PPARGC1A: variants seen among roughly 807,000 people sequenced by gnomAD.
PPARGC1A encodes the protein peroxisome proliferator-activated receptor gamma coactivator 1-alpha.
PPARGC1A carries 25 observed loss-of-function variants against 88.7 expected under a neutral mutation model. The ratio of observed to expected loss-of-function variants is 0.28; its 90% CI spans 0.21 to 0.39. The LOEUF (loss-of-function observed/expected upper bound fraction) is 0.39, where lower values mean the gene tolerates loss of function less well. PPARGC1A is among the 10% of genes least tolerant of loss of function. The probability of loss-of-function intolerance (pLI) is 1.00; values close to 1 mark genes in which losing one functional copy is unlikely to be tolerated. For synonymous variants in PPARGC1A, 363 were observed against 355.6 expected (o/e 1.02, Z -0.24); for missense variants, 880 against 968.7 (o/e 0.91, Z 1.22).
the PPARGC1A span, among the ~76,000 whole-genome samples, chr4:24,471,346 GCACA>G: frequency 4.6e-5 from 7 of 150,890 alleles, no homozygotes; most frequent in East Asian, 2.0e-4. This position sits in a 1 kb window ranked among gnomAD's most constrained non-coding sequence, Gnocchi z 5.4. Flanking sequence ...ACACCCGCGT[GCACA>G]CACACACACA....
the PPARGC1A span, among the ~76,000 whole-genome samples, chr4:24,284,754 C>T: frequency 6.6e-6 from 1 of 152,180 alleles, no homozygotes; most frequent in Admixed American, 6.5e-5. Flanking sequence ...GAAGCCCGGG[C>T]ACGGTGGCTC....
Position 23,813,684 on chromosome 4 carries a change from G to A in PPARGC1A, c.1793+6C>T. 4 of 1,548,670 alleles carry A rather than the reference G, an allele frequency of 2.6e-6. No homozygotes were observed. The highest frequency in any genetic ancestry group is 3.5e-6 in the Non-Finnish European group (4 of 1,141,492). ...TTTGTGTTATTAGGGTTTTGCCAAGGTTTACCTTGAAGAGGATCTACTGCC... is the reference window on the plus strand; with the variant it reads ...TTTGTGTTATTAGGGTTTTGCCAAGATTTACCTTGAAGAGGATCTACTGCC... On this transcript the variant is annotated splice_donor_region_variant and intron_variant, in intron 8 of 12. Coordinates refer to ENST00000264867, the MANE Select transcript of PPARGC1A (RefSeq NM_013261.5).
chr4:23,851,453 G>A (rs1223898639), intron 2 of PPARGC1A, among the ~76,000 whole-genome samples: 1 of 152,122 alleles, frequency 6.6e-6, no homozygotes, highest in Admixed American at 6.6e-5. Context: ...AAATGCAGTC[G>A]ATTTCATAGA....
chr4:23,874,975 G>A (rs149437633), intron 2 of PPARGC1A, among the ~76,000 whole-genome samples: 17 of 152,316 alleles, frequency 1.1e-4, no homozygotes, highest in East Asian at 7.7e-4. Context: ...TCAAAAATTT[G>A]CATAAGTAGT....
intron 2 of PPARGC1A, among the ~76,000 whole-genome samples, chr4:23,862,754 T>C (rs978070088): frequency 6.6e-6 from 1 of 152,196 alleles, no homozygotes; most frequent in African/African-American, 2.4e-5. Flanking sequence ...GCCTGGCGAA[T>C]TATCAAACTC....
At chr4:24,454,068 A>G in the PPARGC1A span, among the ~76,000 whole-genome samples, 1 of 151,938 alleles carries the variant, frequency 6.6e-6, no homozygotes, top group Non-Finnish European at 1.5e-5. Flanking sequence ...ACTATTGAAT[A>G]AGCCTGGGCT....
intron 7 of PPARGC1A, among the ~76,000 whole-genome samples, chr4:23,819,753 G>T (rs556995600): frequency 6.6e-6 from 1 of 152,202 alleles, no homozygotes; most frequent in South Asian, 2.1e-4. Context: ...ATCTCTGACA[G>T]TAAGAGTCGC....
the PPARGC1A span, among the ~76,000 whole-genome samples, chr4:24,467,996 G>A: frequency 6.6e-6 from 1 of 152,188 alleles, no homozygotes; most frequent in Non-Finnish European, 1.5e-5. Flanking sequence ...GGTCAATCAG[G>A]TGAGTAAAGT....
the PPARGC1A span, among the ~76,000 whole-genome samples, chr4:24,373,807 G>T: frequency 2.0e-5 from 3 of 152,218 alleles, no homozygotes; most frequent in Non-Finnish European, 4.4e-5. Flanking sequence ...CAAGTAATCT[G>T]CTGTCTTTAT....
chr4:24,260,798 T>C, the PPARGC1A span, among the ~76,000 whole-genome samples: 3 of 152,154 alleles, frequency 2.0e-5, no homozygotes, highest in African/African-American at 7.2e-5. Flanking sequence ...TGGTATTATA[T>C]TGAATCCAAG....
chr4:24,004,929 T>C, the PPARGC1A span, among the ~76,000 whole-genome samples: 7 of 152,160 alleles, frequency 4.6e-5, no homozygotes, highest in African/African-American at 1.7e-4. Flanking sequence ...ATAAGGCCCA[T>C]TGTAGGTACG....
At chr4:24,440,589 G>A in the PPARGC1A span, among the ~76,000 whole-genome samples, 534 of 152,296 alleles carry the variant, frequency 3.5e-3, 3 homozygotes, top group Non-Finnish European at 5.5e-3. Flanking sequence ...ATCACTTGAG[G>A]TCAGGAGTTT....
the PPARGC1A span, among the ~76,000 whole-genome samples, chr4:24,073,188 C>A: frequency 6.7e-4 from 102 of 152,114 alleles, 1 homozygote; most frequent in African/African-American, 2.4e-3. Flanking sequence ...ACTACAGGCA[C>A]TTGCCACCAC....
chr4:24,082,998 G>T, the PPARGC1A span, among the ~76,000 whole-genome samples: 2 of 152,182 alleles, frequency 1.3e-5, no homozygotes, highest in Non-Finnish European at 2.9e-5. Flanking sequence ...TAAAACACTG[G>T]ATTGGTTTAT....
At chr4:24,089,716 G>A in the PPARGC1A span, among the ~76,000 whole-genome samples, 1 of 151,990 alleles carries the variant, frequency 6.6e-6, no homozygotes, top group Non-Finnish European at 1.5e-5. Context: ...GTTTCACCGT[G>A]TTAGCCAGGA....
At chr4:23,959,114 G>C in the PPARGC1A span, among the ~76,000 whole-genome samples, 2 of 151,938 alleles carry the variant, frequency 1.3e-5, no homozygotes, top group African/African-American at 4.8e-5. Flanking sequence ...CTCAATAGGA[G>C]AGGAGTCTCC....
chr4:24,425,913 TAAC>T, the PPARGC1A span, among the ~76,000 whole-genome samples: 1 of 152,200 alleles, frequency 6.6e-6, no homozygotes, highest in Admixed American at 6.5e-5. Context: ...AACAACGAAA[TAAC>T]AAGCTTTTAC....
intron 10 of PPARGC1A, among the ~76,000 whole-genome samples, chr4:23,810,363 AC>A (rs35231324): frequency 0.46 from 69,907 of 151,986 alleles, 16,417 homozygotes; most frequent in Middle Eastern, 0.58. Context: ...GAGAACTGAT[AC>A]AGATTACTTT....
At chr4:24,280,686 A>T in the PPARGC1A span, among the ~76,000 whole-genome samples, 1 of 152,358 alleles carries the variant, frequency 6.6e-6, no homozygotes, top group Admixed American at 6.5e-5. Context: ...GAGATTTTGC[A>T]GTCAATTTTT....
Sources: gnomAD v4.1 joint callset for allele counts (sites outside exome capture counted in the v4.1 genomes callset) on GRCh38, gnomAD v4.1.1 for gene constraint, Gnocchi (gnomAD v3.1) non-coding constraint, MANE v1.5 for transcripts, NCBI Gene and HGNC (gene_info 2026-07-23, HGNC 2026-07-21) for gene names.